The following RDX variants were observed in gnomAD, a reference collection of about 807,000 sequenced individuals.
RDX encodes the protein deafness, autosomal recessive 24.
Under a neutral mutation model 83.7 loss-of-function variants are expected in RDX, and 32 were observed. The observed-to-expected ratio is 0.38, with a 90% CI of 0.29 to 0.51. RDX has a LOEUF of 0.51. RDX is among the 20% of genes least tolerant of loss of function. The pLI is 0.87. For missense variants in RDX, 600 were observed against 689.9 expected (o/e 0.87, Z 1.46); for synonymous variants, 229 against 222.7 (o/e 1.03, Z -0.25).
At chr11:110,282,393 T>C (rs1860798548) in intron 1 of RDX, among the ~76,000 whole-genome samples, 1 of 152,174 alleles carries the variant, frequency 6.6e-6, no homozygotes, top group Admixed American at 6.5e-5. Context: ...TTCTACAACG[T>C]ATCAGCCTGT....
intron 14 of RDX, among the ~76,000 whole-genome samples, chr11:110,203,375 G>C (rs1863483624): frequency 6.6e-6 from 1 of 150,624 alleles, no homozygotes; most frequent in Admixed American, 6.6e-5. Context: ...AAGGGTAGTG[G>C]GGAAGCAGGA....
At chr11:110,206,151 G>A (rs1455663444) in intron 14 of RDX, among the ~76,000 whole-genome samples, 1 of 151,378 alleles carries the variant, frequency 6.6e-6, no homozygotes, top group Non-Finnish European at 1.5e-5. Flanking sequence ...CAGCTGCTTG[G>A]GAGGCTGCAG....
At chr11:110,216,125 G>T (rs1480418270) in intron 14 of RDX, among the ~76,000 whole-genome samples, 1 of 152,134 alleles carries the variant, frequency 6.6e-6, no homozygotes. Context: ...TTCTCACCAT[G>T]GCTTAGGAAG....
At chr11:110,296,214 G>A (rs1861451521) in intron 1 of RDX, among the ~76,000 whole-genome samples, 1 of 152,026 alleles carries the variant, frequency 6.6e-6, no homozygotes, top group Non-Finnish European at 1.5e-5. Flanking sequence ...GCCCGGCCAG[G>A]CACGTTCGGG....
At chr11:110,185,102 AG>A (rs1862961311) in intron 15 of RDX, 1 of 152,206 alleles carries the variant, frequency 6.6e-6, no homozygotes, top group Non-Finnish European at 1.5e-5. Flanking sequence ...ATTTGTGCAC[AG>A]TGCTGTACAA....
downstream of RDX, among the ~76,000 whole-genome samples, chr11:110,225,242 C>T (rs1565300920): frequency 6.6e-6 from 1 of 152,248 alleles, no homozygotes; most frequent in East Asian, 1.9e-4. Flanking sequence ...CAAAATTGGA[C>T]TTCATCAAAA....
At chr11:110,287,990 C>T (rs1280520211) in intron 1 of RDX, among the ~76,000 whole-genome samples, 1 of 152,144 alleles carries the variant, frequency 6.6e-6, no homozygotes, top group Non-Finnish European at 1.5e-5. Flanking sequence ...TATTAAAGCT[C>T]TCTATTGTTA....
chr11:110,263,505 G>A (rs1049246418), intron 5 of RDX: 9 of 156,600 alleles, frequency 5.7e-5, no homozygotes, highest in Non-Finnish European at 1.3e-4. Flanking sequence ...CTATGGAGGT[G>A]CTAGGTAATG....
intron 2 of RDX, among the ~76,000 whole-genome samples, chr11:110,273,717 T>C (rs114247472): frequency 2.8e-3 from 426 of 152,360 alleles, no homozygotes; most frequent in African/African-American, 1.0e-2. Context: ...TATATCTTTT[T>C]AGCTTTTTAA....
intron 2 of RDX, among the ~76,000 whole-genome samples, chr11:110,276,321 T>C (rs542002272): frequency 3.3e-5 from 5 of 152,296 alleles, no homozygotes; most frequent in African/African-American, 1.2e-4. Flanking sequence ...AAATCAAGTA[T>C]CTGCATAAGT....
rs1363656242 is a variant in RDX at position 110,229,884 on chromosome 11, A to G, written c.*1985T>C. 2.0e-5 allele frequency: 3 copies of G among 152,532 alleles called. No individual in the cohort carries two copies. Among genetic ancestry groups the G allele is most frequent in the Non-Finnish European group, 4.4e-5 (3 of 67,964 alleles). 9.4% of individuals were successfully genotyped at this position (152,532 alleles called of 1,614,324 possible). On this transcript the variant is annotated 3_prime_UTR_variant, in exon 14 of 14. Coordinates refer to ENST00000645495, the MANE Select transcript of RDX (RefSeq NM_002906.4). ...TTTTTATCTATTATGCAATTGCTTT[A>G]AAGTGAACATTTATGTCTCAAAACA...
chr11:110,207,855 G>T (rs905865454), intron 14 of RDX, among the ~76,000 whole-genome samples: 4 of 152,022 alleles, frequency 2.6e-5, no homozygotes, highest in African/African-American at 9.7e-5. Context: ...TGCCCTATTT[G>T]CTCTAATTTG....
intron 1 of RDX, among the ~76,000 whole-genome samples, chr11:110,286,198 T>C (rs892662607): frequency 6.6e-6 from 1 of 152,162 alleles, no homozygotes; most frequent in African/African-American, 2.4e-5. Flanking sequence ...AGCAATATAT[T>C]GTGCTCTTTT....
chr11:110,254,077 G>T lies in RDX; in HGVS notation c.828C>A (p.Ile276=). 1 of 1,613,602 alleles carries T rather than the reference G, an allele frequency of 6.2e-7. No homozygotes were observed. The highest frequency in any genetic ancestry group is 8.5e-7 in the Non-Finnish European group (1 of 1,179,774). ...DFVFYAPRLR[I]NKRILALCMG... is the part of the protein sequence containing the mutation. The stretch of plus-strand genomic sequence containing the variant: ...TACATAAGGCCAAAATCCGCTTATT[G>T]ATTCTCAGACGAGGTGCATAAAACA... The change falls in exon 9 of 14, where the codon ATC becomes ATA. Residue 276 remains isoleucine (I), a synonymous_variant. Coordinates refer to ENST00000645495, the MANE Select transcript of RDX (RefSeq NM_002906.4).
chr11:110,224,603 TCTA>T (rs1257745667), downstream of RDX, among the ~76,000 whole-genome samples: 2 of 152,192 alleles, frequency 1.3e-5, no homozygotes, highest in African/African-American at 4.8e-5. Context: ...AATTTCTACT[TCTA>T]TTGTGCCACT....
chr11:110,253,488 A>T (rs1046580729), intron 9 of RDX, among the ~76,000 whole-genome samples: 2 of 152,040 alleles, frequency 1.3e-5, no homozygotes, highest in African/African-American at 4.8e-5. Flanking sequence ...TTTAAGTCTA[A>T]GAGAAACAGA....
chr11:110,219,785 T>C (rs1864183292), intron 14 of RDX, among the ~76,000 whole-genome samples: 1 of 152,184 alleles, frequency 6.6e-6, no homozygotes, highest in African/African-American at 2.4e-5. Flanking sequence ...GAGATGCTTA[T>C]TAGATATCAA....
chr11:110,238,341 T>C (rs1864945399), intron 10 of RDX, among the ~76,000 whole-genome samples: 1 of 152,250 alleles, frequency 6.6e-6, no homozygotes, highest in Admixed American at 6.5e-5. Context: ...AACTCTTTTC[T>C]TATTCCAATG....
At chr11:110,263,725 G>A (rs541955558) in intron 5 of RDX, among the ~76,000 whole-genome samples, 27 of 151,852 alleles carry the variant, frequency 1.8e-4, no homozygotes, top group Admixed American at 1.1e-3. Context: ...AAAAATTAGC[G>A]GACATAATGG....
Sources: allele counts gnomAD v4.1 joint callset (sites outside exome capture counted in the v4.1 genomes callset), GRCh38; gene constraint gnomAD v4.1.1; transcripts MANE v1.5; gene names NCBI Gene and HGNC (gene_info 2026-07-23, HGNC 2026-07-21).